HTRA1: variants seen among roughly 807,000 people sequenced by gnomAD.
The protein encoded by HTRA1 is HtrA serine peptidase 1.
A neutral mutation model predicts 49.7 loss-of-function variants in HTRA1; 26 were observed. The observed-to-expected ratio is 0.52, with a 90% CI of 0.38 to 0.73. The LOEUF is 0.73. Among genes scored for constraint, HTRA1 ranks in the 30% least tolerant of loss-of-function variants. HTRA1 has a pLI of 0.00. For synonymous variants in HTRA1, 291 were observed against 286.9 expected (o/e 1.01, Z -0.14); for missense variants, 561 against 667.2 (o/e 0.84, Z 1.75).
chr10:122,504,018 C>G (rs1449296575), intron 3 of HTRA1, among the ~76,000 whole-genome samples: 1 of 152,160 alleles, frequency 6.6e-6, no homozygotes, highest in Non-Finnish European at 1.5e-5. Flanking sequence ...CTTGTCGAAG[C>G]CCATGTGGTC....
At chr10:122,483,837 TGTTATA>T (rs1431628741) in intron 1 of HTRA1, among the ~76,000 whole-genome samples, 1 of 152,230 alleles carries the variant, frequency 6.6e-6, no homozygotes, top group Non-Finnish European at 1.5e-5. Context: ...TTTTTGATGC[TGTTATA>T]GTTATATTTT....
At chr10:122,498,613 C>A (rs183221216) in intron 3 of HTRA1, among the ~76,000 whole-genome samples, 12 of 152,206 alleles carry the variant, frequency 7.9e-5, no homozygotes, top group African/African-American at 2.9e-4. Flanking sequence ...GCTGAAATAT[C>A]AATGGGCCAT....
At position 122,464,660 on chromosome 10, in the gene HTRA1, C is replaced by T. The variant is rs911897869; in HGVS notation, c.472+2536C>T. Among the ~76,000 whole-genome samples, 9 of 152,214 alleles carry T rather than the reference C, an allele frequency of 5.9e-5. No homozygotes were observed. The highest frequency in any genetic ancestry group is 1.2e-4 in the Non-Finnish European group (8 of 68,050). On this transcript the variant is annotated intron_variant, in intron 1 of 8. Transcript: ENST00000368984. The surrounding 1 kb of genome is among the most constrained non-coding windows in gnomAD (Gnocchi z 4.8). The stretch of plus-strand genomic sequence containing the variant: ...CCCCCTCTCTGGATCTCACACTCCA[C>T]CCTTGACTTTTCGGAGGTGTTTCCG...
chr10:122,471,201 G>T (rs2097485979), intron 1 of HTRA1, among the ~76,000 whole-genome samples: 1 of 152,142 alleles, frequency 6.6e-6, no homozygotes, highest in South Asian at 2.1e-4. Flanking sequence ...ACCAGCATTT[G>T]TGGCTCTGAA....
intron 1 of HTRA1, among the ~76,000 whole-genome samples, chr10:122,469,833 T>A (rs1308592099): frequency 6.6e-6 from 1 of 152,208 alleles, no homozygotes; most frequent in Non-Finnish European, 1.5e-5. Context: ...TTAAGTCAAG[T>A]GTTATTTAGA....
intron 6 of HTRA1, 137 bp from the exon 7 acceptor site, chr10:122,509,959 A>G (rs1157127786): frequency 5.4e-6 from 4 of 746,666 alleles, no homozygotes; most frequent in Non-Finnish European, 4.9e-6. Context: ...GGTCCAGACC[A>G]GGATTTGAGC....
At chr10:122,505,602 G>A (rs1810428086) in intron 3 of HTRA1, among the ~76,000 whole-genome samples, 1 of 152,138 alleles carries the variant, frequency 6.6e-6, no homozygotes, top group African/African-American at 2.4e-5. Flanking sequence ...TGGTGGAGGA[G>A]ATGACTCAAG....
intron 7 of HTRA1, among the ~76,000 whole-genome samples, chr10:122,511,528 T>A (rs1164243788): frequency 6.6e-6 from 1 of 151,648 alleles, no homozygotes; most frequent in Non-Finnish European, 1.5e-5. Context: ...AGGCCAGGAG[T>A]TCGAGACCAG....
intron 3 of HTRA1, among the ~76,000 whole-genome samples, chr10:122,503,071 G>A (rs2097501606): frequency 6.6e-6 from 1 of 152,222 alleles, no homozygotes; most frequent in South Asian, 2.1e-4. Flanking sequence ...CCTTCAAGAC[G>A]GCCTGTGGCC....
At position 122,506,176 on chromosome 10, in the gene HTRA1, A is replaced by C. The variant is rs1437479941; in HGVS notation, c.778-515A>C. 6.6e-6 allele frequency among the ~76,000 whole-genome samples: 1 copy of C among 152,156 alleles called. No homozygotes were observed. Among genetic ancestry groups the C allele is most frequent in the African/African-American group, 2.4e-5 (1 of 41,426 alleles). On this transcript the variant is annotated intron_variant, in intron 3 of 8. Coordinates refer to ENST00000368984, the MANE Select transcript of HTRA1 (RefSeq NM_002775.5). The surrounding 1 kb of genome is among the most constrained non-coding windows in gnomAD (Gnocchi z 5.2). ...CATAGGCGTGCACCTGAGTCAGTAC[A>C]GTTCCCTGCCCGCAGAGCACCCCAA...
chr10:122,509,508 G>A (rs2097504621), intron 6 of HTRA1, among the ~76,000 whole-genome samples: 2 of 152,210 alleles, frequency 1.3e-5, no homozygotes, highest in African/African-American at 4.8e-5. Context: ...GTGGCCTGAG[G>A]GCCGGAGCAC....
chr10:122,506,126 CT>C lies in HTRA1; in HGVS notation c.778-564del, dbSNP rs1281563188. Among the ~76,000 whole-genome samples, 5 of 23,460 alleles carry C rather than the reference CT, an allele frequency of 2.1e-4. No homozygotes were observed. Among genetic ancestry groups the C allele is most frequent in the African/African-American group, 6.2e-4 (5 of 8,074 alleles). 15.4% of individuals were successfully genotyped at this position (23,460 alleles called of 152,430 possible). A position where few individuals can be genotyped will look rare whatever the true frequency, so the allele number is the denominator to read the frequency against. ...CTGTCCCCATGCTCCATCCCTGCCCCTGACCAGTGTGGCCCTGTACTCAGCA... is the reference window on the plus strand; with the variant it reads ...CTGTCCCCATGCTCCATCCCTGCCCCGACCAGTGTGGCCCTGTACTCAGCA... On this transcript the variant is annotated intron_variant, in intron 3 of 8. Transcript: ENST00000368984. This position sits in a 1 kb window ranked among gnomAD's most constrained non-coding sequence, Gnocchi z 5.2.
chr10:122,477,840 C>T (rs993798867), intron 1 of HTRA1, among the ~76,000 whole-genome samples: 1 of 152,212 alleles, frequency 6.6e-6, no homozygotes, highest in African/African-American at 2.4e-5. Flanking sequence ...GCCTTAATTT[C>T]CAACCTCTGC....
chr10:122,476,388 G>A (rs1024683682), intron 1 of HTRA1, among the ~76,000 whole-genome samples: 3 of 152,170 alleles, frequency 2.0e-5, no homozygotes, highest in African/African-American at 7.2e-5. Context: ...CACAGCATCA[G>A]GTTAGTTAAC....
chr10:122,503,621 A>T (rs1591038817), intron 3 of HTRA1, among the ~76,000 whole-genome samples: 2 of 152,310 alleles, frequency 1.3e-5, no homozygotes, highest in South Asian at 4.1e-4. Flanking sequence ...TCTCTTGTTT[A>T]GCCAGGCTGC....
chr10:122,491,627 G>A (rs565980462), intron 3 of HTRA1, among the ~76,000 whole-genome samples: 63 of 152,386 alleles, frequency 4.1e-4, no homozygotes, highest in African/African-American at 1.5e-3. Context: ...TTTGAGCCAA[G>A]GTGGAGACTG....
intron 3 of HTRA1, among the ~76,000 whole-genome samples, chr10:122,496,219 T>C (rs2097498543): frequency 7.5e-6 from 1 of 133,630 alleles, no homozygotes; most frequent in Non-Finnish European, 1.6e-5. Context: ...TTGCCAGAGA[T>C]TGTGGGTTCT....
At chr10:122,496,225 G>T (rs866010340) in intron 3 of HTRA1, among the ~76,000 whole-genome samples, 1,309 of 80,362 alleles carry the variant, frequency 0.016, 69 homozygotes, top group East Asian at 0.11. Context: ...GAGATTGTGG[G>T]TTCTTTTTTT....
intron 3 of HTRA1, among the ~76,000 whole-genome samples, chr10:122,493,754 C>G (rs2097497028): frequency 6.6e-6 from 1 of 152,162 alleles, no homozygotes; most frequent in Non-Finnish European, 1.5e-5. Flanking sequence ...TCCTGCTGTT[C>G]TGAGAGAGAT....
Sources: allele counts gnomAD v4.1 joint callset (sites outside exome capture counted in the v4.1 genomes callset), GRCh38; gene constraint gnomAD v4.1.1; non-coding constraint Gnocchi (gnomAD v3.1); transcripts MANE v1.5; gene names NCBI Gene and HGNC (gene_info 2026-07-23, HGNC 2026-07-21).